The following TRIM67 variants were observed in gnomAD, a reference collection of about 807,000 sequenced individuals.
The protein encoded by TRIM67 is tripartite motif containing 67.
Under a neutral mutation model 71.0 loss-of-function variants are expected in TRIM67, and 39 were observed. The observed-to-expected ratio is 0.55, with a 90% CI of 0.43 to 0.72. The LOEUF is 0.72. Ranked by LOEUF, TRIM67 falls within the 30% of genes least tolerant of loss-of-function variation. The pLI is 0.00. For synonymous variants in TRIM67, 481 were observed against 473.9 expected (o/e 1.01, Z -0.19); for missense variants, 973 against 1,079.2 (o/e 0.90, Z 1.38).
intron 7 of TRIM67, among the ~76,000 whole-genome samples, chr1:231,208,363 A>G (rs1011765655): frequency 6.6e-6 from 1 of 152,038 alleles, no homozygotes; most frequent in African/African-American, 2.4e-5. Context: ...TTTAGTAGAG[A>G]CAGGGTTTCA....
chr1:231,198,407 G>A (rs1037766430), intron 2 of TRIM67, among the ~76,000 whole-genome samples: 13 of 151,486 alleles, frequency 8.6e-5, no homozygotes, highest in Admixed American at 2.6e-4. Context: ...TTTTTTTTGA[G>A]ACAGAGTCTC....
chr1:231,165,428 C>T (rs1472784772), intron 1 of TRIM67, among the ~76,000 whole-genome samples: 2 of 152,210 alleles, frequency 1.3e-5, no homozygotes, highest in Non-Finnish European at 2.9e-5. Flanking sequence ...TCTAGCAAAG[C>T]ACCTTAAATA....
chr1:231,204,600 C>T (rs1683645150), intron 6 of TRIM67, among the ~76,000 whole-genome samples: 1 of 152,214 alleles, frequency 6.6e-6, no homozygotes, highest in Admixed American at 6.5e-5. Flanking sequence ...TCCACCCCAA[C>T]CCAGCCCTAA....
intron 1 of TRIM67, chr1:231,184,110 G>C (rs1462535683): frequency 7.9e-5 from 12 of 152,192 alleles, no homozygotes; most frequent in Admixed American, 6.5e-5. Context: ...TTTTTAAAAA[G>C]AGTCTTTATT....
At chr1:231,179,217 G>A (rs1288962688) in intron 1 of TRIM67, among the ~76,000 whole-genome samples, 1 of 152,262 alleles carries the variant, frequency 6.6e-6, no homozygotes, top group Non-Finnish European at 1.5e-5. Flanking sequence ...GTCCCAGCTT[G>A]TGGTGGCTCC....
chr1:231,187,681 G>T (rs1683123541), intron 1 of TRIM67: 1 of 999,696 alleles, frequency 1.0e-6, no homozygotes, highest in Non-Finnish European at 1.4e-6. Context: ...CAAACTGCAG[G>T]AGGCGGAGTG....
chr1:231,163,321 A>G lies in TRIM67; in HGVS notation c.352A>G (p.Ser118Gly). The change falls in exon 1 of 10, where the codon AGC (serine) becomes GGC (glycine). Residue 118 changes from serine (S) to glycine (G), a missense_variant. Coordinates refer to ENST00000366653, the MANE Select transcript of TRIM67 (RefSeq NM_001004342.5). The stretch of plus-strand genomic sequence containing the variant: ...CAGCGGCTACGGGTCCTACACCCCG[A>G]GCCTCAAGTCCCCCAACGGGGTTCG... ...TDSGYGSYTP[S>G]LKSPNGVRVL... is the part of the protein sequence containing the mutation. 6.6e-7 allele frequency: 1 copy of G among 1,521,840 alleles called. No homozygotes were observed. Among genetic ancestry groups the G allele is most frequent in the Non-Finnish European group, 8.8e-7 (1 of 1,133,544 alleles). The allele number at this position is 1,521,840 out of a possible 1,614,324, so 94.3% of individuals were successfully genotyped here.
At chr1:231,180,314 T>G (rs1467816577) in intron 1 of TRIM67, among the ~76,000 whole-genome samples, 1 of 152,244 alleles carries the variant, frequency 6.6e-6, no homozygotes, top group East Asian at 1.9e-4. Flanking sequence ...TGACCATTCT[T>G]GTATATACAT....
In TRIM67 at chr1:231,218,162, C is replaced by T. The variant is rs2102770629; in HGVS notation, c.*2722C>T. The T allele has an allele frequency of 9.7e-7, 1 of 1,034,466 alleles. No individual in the cohort carries two copies. The highest frequency in any genetic ancestry group is 1.2e-6 in the Non-Finnish European group (1 of 857,816). 64.1% of individuals were successfully genotyped at this position (1,034,466 alleles called of 1,614,324 possible). A position where few individuals can be genotyped will look rare whatever the true frequency, so the allele number is the denominator to read the frequency against. The stretch of plus-strand genomic sequence containing the variant: ...AAGTGAAGAAGGAACTTATCAATTC[C>T]TCATGGCCAGGAAGGTCCCGGGTTT... On this transcript the variant is annotated 3_prime_UTR_variant, in exon 10 of 10. Coordinates refer to ENST00000366653, the MANE Select transcript of TRIM67 (RefSeq NM_001004342.5).
intron 4 of TRIM67, among the ~76,000 whole-genome samples, chr1:231,200,546 G>C (rs1683492201): frequency 6.6e-6 from 1 of 152,192 alleles, no homozygotes; most frequent in Non-Finnish European, 1.5e-5. Context: ...AAACAAGCTG[G>C]ACAGATTGCA....
At chr1:231,195,532 G>A (rs888526151) in intron 1 of TRIM67, among the ~76,000 whole-genome samples, 1 of 152,198 alleles carries the variant, frequency 6.6e-6, no homozygotes, top group African/African-American at 2.4e-5. Flanking sequence ...GGCTCATGGT[G>A]TAGGAAAAAG....
In TRIM67 at chr1:231,218,001, G is replaced by A. The variant is rs370083260; in HGVS notation, c.*2561G>A. 17 of 1,203,844 alleles carry A rather than the reference G, an allele frequency of 1.4e-5. No individual in the cohort carries two copies. Among genetic ancestry groups the A allele is most frequent in the African/African-American group, 9.5e-5 (6 of 63,284 alleles). The allele number at this position is 1,203,844 out of a possible 1,614,324, so 74.6% of individuals were successfully genotyped here. On this transcript the variant is annotated 3_prime_UTR_variant, in exon 10 of 10. Coordinates refer to ENST00000366653, the MANE Select transcript of TRIM67 (RefSeq NM_001004342.5). The stretch of plus-strand genomic sequence containing the variant: ...TCCTCCAGGAGCCCAGAAGCAATAC[G>A]GCCGATGCCAGGGACAGCATCCAGC...
chr1:231,213,906 C>T lies in TRIM67; in HGVS notation c.2215C>T (p.Gln739Ter). Residue 739 changes from glutamine to a stop codon, truncating the protein, a stop_gained, in exon 9 of 10, where the codon CAG (glutamine) becomes TAG (stop). Transcript: ENST00000366653. LOFTEE classifies it high-confidence loss of function. ...CACCTTCTTCATCAACGGGCAGCAGCAGGGCCCCACAGCCTTCAGCCACGT... is the reference window on the plus strand; with the variant it reads ...CACCTTCTTCATCAACGGGCAGCAGTAGGGCCCCACAGCCTTCAGCCACGT... Reference protein sequence around the residue: ...TLTFFINGQQQGPTAFSHVDG... With the variant: ...TLTFFINGQQ 1 of 1,613,802 alleles carries T rather than the reference C, an allele frequency of 6.2e-7. No individual in the cohort carries two copies. The highest frequency in any genetic ancestry group is 8.5e-7 in the Non-Finnish European group (1 of 1,179,758).
chr1:231,174,596 C>T (rs1682697769), intron 1 of TRIM67, among the ~76,000 whole-genome samples: 1 of 151,968 alleles, frequency 6.6e-6, no homozygotes, highest in Non-Finnish European at 1.5e-5. Context: ...TGATTAGCCC[C>T]TCTCCCTCTC....
chr1:231,212,616 G>A (rs1032998501), intron 8 of TRIM67, among the ~76,000 whole-genome samples: 2 of 151,802 alleles, frequency 1.3e-5, no homozygotes, highest in East Asian at 1.9e-4. Context: ...CCAGCTATTC[G>A]GGAGGCTGAG....
In TRIM67 at chr1:231,219,201, A is replaced by G; in HGVS notation, c.*3761A>G. On this transcript the variant is annotated 3_prime_UTR_variant, in exon 10 of 10. Coordinates refer to ENST00000366653, the MANE Select transcript of TRIM67 (RefSeq NM_001004342.5). ...CCAGGGTTTCTCAACCTCTACTGAC[A>G]TTTTGCGATAGGTTCTGTATGCCGT... The G allele has an allele frequency of 1.0e-6, 1 of 985,410 alleles. No homozygotes were observed. The highest frequency in any genetic ancestry group is 1.2e-6 in the Non-Finnish European group (1 of 830,032). 61.0% of individuals were successfully genotyped at this position (985,410 alleles called of 1,614,324 possible). A position where few individuals can be genotyped will look rare whatever the true frequency, so the allele number is the denominator to read the frequency against.
chr1:231,218,368 C>T lies in TRIM67; in HGVS notation c.*2928C>T, dbSNP rs1684067056. 1 of 985,900 alleles carries T rather than the reference C, an allele frequency of 1.0e-6. No individual in the cohort carries two copies. Among genetic ancestry groups the T allele is most frequent in the Admixed American group, 6.1e-5 (1 of 16,332 alleles). 61.1% of individuals were successfully genotyped at this position (985,900 alleles called of 1,614,324 possible). On this transcript the variant is annotated 3_prime_UTR_variant, in exon 10 of 10. Transcript: ENST00000366653. Reference sequence around the variant, plus strand: ...AAGCAGTTTCAGTGAAAAAGGAATTCAAAGTAGTTTAAAAATGTCGAGTTC... The same window carrying T: ...AAGCAGTTTCAGTGAAAAAGGAATTTAAAGTAGTTTAAAAATGTCGAGTTC...
At chr1:231,207,575 C>T (rs890028770) in intron 7 of TRIM67, among the ~76,000 whole-genome samples, 1 of 152,168 alleles carries the variant, frequency 6.6e-6, no homozygotes, top group Non-Finnish European at 1.5e-5. Context: ...GAGGGCAAAT[C>T]GTGCATTCAT....
rs1393492918 is a variant in TRIM67 at position 231,163,735 on chromosome 1, C to A, written c.766C>A (p.Pro256Thr). The change falls in exon 1 of 10, where the codon CCG (proline) becomes ACG (threonine). Residue 256 changes from proline (P) to threonine (T), a missense_variant. Physicochemically the swap from Pro to Thr is conservative, Grantham distance 38 (BLOSUM62 -1). This residue lies in a region of TRIM67 where 795 missense variants were observed against 831.3 expected (regional missense o/e 0.96). Transcript: ENST00000366653. The stretch of plus-strand genomic sequence containing the variant: ...GCATCGCCTGGTGCAGCCGCCGCCG[C>A]CGCCGCCGCCGCCCGCCGAGGCAGC... ...AKHRLVQPPP[P>T]PPPPAEAASG... 1 of 1,492,632 alleles carries A rather than the reference C, an allele frequency of 6.7e-7. No individual in the cohort carries two copies. The allele number at this position is 1,492,632 out of a possible 1,614,324, so 92.5% of individuals were successfully genotyped here. A position where few individuals can be genotyped will look rare whatever the true frequency, so the allele number is the denominator to read the frequency against.
Sources: allele counts gnomAD v4.1 joint callset (sites outside exome capture counted in the v4.1 genomes callset), GRCh38; gene constraint gnomAD v4.1.1; regional missense constraint gnomAD v4.1.1; transcripts MANE v1.5; gene names NCBI Gene and HGNC (gene_info 2026-07-23, HGNC 2026-07-21).